TRPC1: variants seen among roughly 807,000 people sequenced by gnomAD.
TRPC1 encodes short transient receptor potential channel 1.
TRPC1 carries 42 observed loss-of-function variants against 88.2 expected under a neutral mutation model. The observed-to-expected ratio is 0.48, with a 90% CI of 0.37 to 0.62. TRPC1 has a LOEUF of 0.62. TRPC1 is among the 20% of genes least tolerant of loss of function. The probability of loss-of-function intolerance (pLI) is 0.00; values close to 1 mark genes in which losing one functional copy is unlikely to be tolerated. For synonymous variants in TRPC1, 288 were observed against 331.8 expected (o/e 0.87, Z 1.43); for missense variants, 699 against 957.3 (o/e 0.73, Z 3.56).
At chr3:142,752,622 T>G (rs868222304) in intron 4 of TRPC1, among the ~76,000 whole-genome samples, 16 of 152,034 alleles carry the variant, frequency 1.1e-4, no homozygotes, top group Admixed American at 3.3e-4. Context: ...GCACAGACCC[T>G]TTACGGGTGT....
At chr3:142,785,968 T>C (rs1936121357) in intron 7 of TRPC1, among the ~76,000 whole-genome samples, 2 of 152,240 alleles carry the variant, frequency 1.3e-5, no homozygotes, top group African/African-American at 4.8e-5. Context: ...TAAGACATTT[T>C]ATTCCTGAAA....
intron 1 of TRPC1, among the ~76,000 whole-genome samples, chr3:142,734,130 T>A (rs1023422770): frequency 6.6e-6 from 1 of 152,164 alleles, no homozygotes; most frequent in Non-Finnish European, 1.5e-5. Context: ...TGAATAAGGC[T>A]AAAAATAAGA....
chr3:142,798,591 G>A (rs561914061), intron 9 of TRPC1, among the ~76,000 whole-genome samples: 1 of 152,290 alleles, frequency 6.6e-6, no homozygotes, highest in African/African-American at 2.4e-5. Context: ...CCTAAAGCAT[G>A]GTGTGCTTAG....
chr3:142,794,280 C>T lies in TRPC1; in HGVS notation c.1581+1313C>T, dbSNP rs183789714. Among the ~76,000 whole-genome samples the T allele has an allele frequency of 2.0e-4, 30 of 151,794 alleles. No individual in the cohort carries two copies. In the South Asian group the frequency reaches 2.7e-3, roughly 14 times the overall value. Reference sequence around the variant, plus strand: ...TGATTTTTTTTTAACTGAAAATGGACGACAGAACTAGGTTTCTATACTGGA... The same window carrying T: ...TGATTTTTTTTTAACTGAAAATGGATGACAGAACTAGGTTTCTATACTGGA... On this transcript the variant is annotated intron_variant, in intron 9 of 12. Transcript: ENST00000476941.
chr3:142,732,104 T>C (rs892444869), intron 1 of TRPC1, among the ~76,000 whole-genome samples: 4 of 152,162 alleles, frequency 2.6e-5, no homozygotes, highest in African/African-American at 9.7e-5. Context: ...GTAAGTAATA[T>C]AAGTTGCAAT....
Position 142,792,883 on chromosome 3 carries a change from A to G in TRPC1, c.1497A>G (p.Glu499=). 1 of 1,609,936 alleles carries G rather than the reference A, an allele frequency of 6.2e-7. No individual in the cohort carries two copies. The highest frequency in any genetic ancestry group is 1.3e-5 in the African/African-American group (1 of 74,682). The change falls in exon 9 of 13, where the codon GAA becomes GAG. Residue 499 remains glutamate, a synonymous_variant. Coordinates refer to ENST00000476941, the MANE Select transcript of TRPC1 (RefSeq NM_001251845.2). This position sits in a 1 kb window ranked among gnomAD's most constrained non-coding sequence, Gnocchi z 4.0. ...WDAFHPTLVA[E]GLFAFANVLS... ...CATTCCATCCTACACTGGTGGCAGA[A>G]GGGCTTTTTGCATTTGCAAATGTTC... is the stretch of plus-strand genomic sequence containing the variant.
chr3:142,799,705 G>C (rs938294591), intron 9 of TRPC1, among the ~76,000 whole-genome samples: 2 of 152,066 alleles, frequency 1.3e-5, no homozygotes, highest in Non-Finnish European at 1.5e-5. Flanking sequence ...AGGCTTGAGT[G>C]GGGAGGACTG....
chr3:142,790,415 A>AT (rs974064097), intron 7 of TRPC1, among the ~76,000 whole-genome samples: 1 of 152,100 alleles, frequency 6.6e-6, no homozygotes, highest in Admixed American at 6.6e-5. Context: ...GTGGTTTTGC[A>AT]TTTTTTTGAC....
chr3:142,780,876 T>C lies in TRPC1; in HGVS notation c.807T>C (p.Ala269=). The change falls in exon 6 of 13, where the codon GCT becomes GCC. Residue 269 remains alanine (A), a synonymous_variant. Transcript: ENST00000476941. ...EELARQCKMF[A]KDLLAQARNS... ...TAGCCCGGCAATGTAAAATGTTTGC[T>C]AAGGATTTACTTGCACAAGCCCGGA... 6.2e-7 allele frequency: 1 copy of C among 1,613,056 alleles called. No homozygotes were observed. The highest frequency in any genetic ancestry group is 8.5e-7 in the Non-Finnish European group (1 of 1,179,396).
chr3:142,790,937 A>T, intron 7 of TRPC1, 82 bp from the exon 8 acceptor site: 1 of 1,126,284 alleles, frequency 8.9e-7, no homozygotes, highest in Non-Finnish European at 1.2e-6. Flanking sequence ...TTATTTATTT[A>T]ATATTTTGAG....
At chr3:142,770,133 T>A (rs1577980618) in intron 4 of TRPC1, among the ~76,000 whole-genome samples, 2 of 141,278 alleles carry the variant, frequency 1.4e-5, no homozygotes, top group East Asian at 4.5e-4. Flanking sequence ...AGTCTCACTC[T>A]GTCACCCAGG....
At chr3:142,777,449 T>C (rs1935816896) in intron 4 of TRPC1, among the ~76,000 whole-genome samples, 183 bp from the exon 5 acceptor site, 1 of 152,204 alleles carries the variant, frequency 6.6e-6, no homozygotes, top group Non-Finnish European at 1.5e-5. Flanking sequence ...GGTTTTTCAA[T>C]ATTTATATCT....
At chr3:142,756,636 G>A (rs1934977472) in intron 4 of TRPC1, among the ~76,000 whole-genome samples, 1 of 152,144 alleles carries the variant, frequency 6.6e-6, no homozygotes, top group Admixed American at 6.5e-5. Context: ...TGGGACTACA[G>A]GCATGAGCCA....
chr3:142,749,589 T>C, intron 4 of TRPC1, among the ~76,000 whole-genome samples: 1 of 152,178 alleles, frequency 6.6e-6, no homozygotes, highest in Non-Finnish European at 1.5e-5. Flanking sequence ...TAATTTTTAA[T>C]AAAATAGTCT....
chr3:142,803,908 T>C (rs112321029), intron 10 of TRPC1, 69 bp from the exon 11 acceptor site: 16 of 1,450,308 alleles, frequency 1.1e-5, no homozygotes, highest in East Asian at 4.8e-5. Context: ...AATTTTGATA[T>C]AAACAAATGA....
At chr3:142,794,172 A>G (rs1033569284) in intron 9 of TRPC1, among the ~76,000 whole-genome samples, 5 of 152,284 alleles carry the variant, frequency 3.3e-5, no homozygotes, top group African/African-American at 1.2e-4. Context: ...GGCTTAAACT[A>G]TCTGTCCTTT....
At position 142,767,618 on chromosome 3, in the gene TRPC1, A is replaced by G. The variant is rs142374704; in HGVS notation, c.633-10014A>G. 0.012 allele frequency among the ~76,000 whole-genome samples: 1,857 copies of G among 148,668 alleles called. 37 individuals carry two copies. The highest frequency in any genetic ancestry group is 0.043 in the African/African-American group (1,741 of 40,954). On this transcript the variant is annotated intron_variant, in intron 4 of 12. Coordinates refer to ENST00000476941, the MANE Select transcript of TRPC1 (RefSeq NM_001251845.2). The surrounding 1 kb of genome is among the most constrained non-coding windows in gnomAD (Gnocchi z 5.1). ...ATAAATAAATTATATATCTTTATAT[A>G]TCATATCATTTATATATCATAAGTG... is the stretch of plus-strand genomic sequence containing the variant.
Position 142,767,651 on chromosome 3 carries a change from C to A in TRPC1, c.633-9981C>A, listed in dbSNP as rs1052356541. 2.7e-5 allele frequency among the ~76,000 whole-genome samples: 4 copies of A among 149,644 alleles called. No individual in the cohort carries two copies. The highest frequency in any genetic ancestry group is 5.9e-5 in the Non-Finnish European group (4 of 67,490). ...ATTTATATATCATAAGTGTACATTT[C>A]AGCTCTTAGGATATTCACAAAGTTG... is the stretch of plus-strand genomic sequence containing the variant. On this transcript the variant is annotated intron_variant, in intron 4 of 12. Coordinates refer to ENST00000476941, the MANE Select transcript of TRPC1 (RefSeq NM_001251845.2). The surrounding 1 kb of genome is among the most constrained non-coding windows in gnomAD (Gnocchi z 5.1).
At chr3:142,797,444 G>A (rs1468358506) in intron 9 of TRPC1, among the ~76,000 whole-genome samples, 1 of 152,110 alleles carries the variant, frequency 6.6e-6, no homozygotes, top group Non-Finnish European at 1.5e-5. Flanking sequence ...GGGTGGTGAT[G>A]AGCAAATCAG....
Sources: gnomAD v4.1 joint callset for allele counts (sites outside exome capture counted in the v4.1 genomes callset) on GRCh38, gnomAD v4.1.1 for gene constraint, Gnocchi (gnomAD v3.1) non-coding constraint, MANE v1.5 for transcripts, NCBI Gene and HGNC (gene_info 2026-07-23, HGNC 2026-07-21) for gene names.